The following SH2B2 variants were observed in gnomAD, a reference collection of about 807,000 sequenced individuals.
SH2B2 encodes SH2B adaptor protein 2, also known as SH2B adapter protein 2.
Under a neutral mutation model 35.7 loss-of-function variants are expected in SH2B2, and 37 were observed. That is an observed-to-expected ratio of 1.04 (90% CI 0.80 to 1.36). SH2B2 has a LOEUF of 1.36. Ranked by LOEUF, SH2B2 falls within the 40% of genes most tolerant of loss-of-function variation. The pLI is 0.00. For synonymous variants in SH2B2, 383 were observed against 376.4 expected (o/e 1.02, Z -0.20); for missense variants, 852 against 817.7 (o/e 1.04, Z -0.51).
rs1368086709 is a variant in SH2B2, at chr7:102,306,757, A to G, written c.766A>G (p.Ile256Val). ...CAAGGTCAGCATCCCACTGTCAGCC[A>G]TCATTGAGGTCCGCACCACCATGCC... Reference protein sequence around the residue: ...RPKVSIPLSAIIEVRTTMPLE... With the variant: ...RPKVSIPLSAVIEVRTTMPLE... The change falls in exon 3 of 9, where the codon ATC (isoleucine) becomes GTC (valine). Residue 256 changes from isoleucine to valine, a missense_variant. Ile to Val is a conservative substitution (Grantham distance 29). Around this residue, in one of 3 missense-constraint regions of SH2B2, gnomAD observed 556 missense variants for 514.5 expected, o/e 1.08. Transcript: ENST00000444095. 5.0e-6 allele frequency: 8 copies of G among 1,601,158 alleles called. No homozygotes were observed. The highest frequency in any genetic ancestry group is 6.8e-6 in the Non-Finnish European group (8 of 1,174,182).
chr7:102,307,638 G>GCAT (rs1793455159), intron 3 of SH2B2, among the ~76,000 whole-genome samples: 1 of 152,100 alleles, frequency 6.6e-6, no homozygotes, highest in African/African-American at 2.4e-5. Flanking sequence ...TGCTGATCAT[G>GCAT]CATGACAGCC....
At chr7:102,303,736 G>C (rs1554554362) in intron 2 of SH2B2, among the ~76,000 whole-genome samples, 2 of 152,194 alleles carry the variant, frequency 1.3e-5, no homozygotes, top group Non-Finnish European at 2.9e-5. Flanking sequence ...GCTTACCCGG[G>C]GTCACCCAGA....
rs781974412 is a variant in SH2B2 at position 102,300,945 on chromosome 7, G to A, written c.395G>A (p.Arg132His). ...STHAATKARV[R>H]KGFSLRNMSL... ...CACGCGGCCACCAAGGCCCGCGTTC[G>A]CAAGGGCTTCTCGCTGCGCAACATG... The change falls in exon 2 of 9, where the codon CGC becomes CAC. Residue 132 changes from arginine to histidine, a missense_variant. By Grantham distance (29) the Arg-to-His change is conservative. Transcript: ENST00000444095. 8.7e-6 allele frequency: 13 copies of A among 1,488,182 alleles called. No individual in the cohort carries two copies. The allele number at this position is 1,488,182 out of a possible 1,614,324, so 92.2% of individuals were successfully genotyped here. A position where few individuals can be genotyped will look rare whatever the true frequency, so the allele number is the denominator to read the frequency against.
intron 1 of SH2B2, among the ~76,000 whole-genome samples, chr7:102,295,006 T>G (rs1792847318): frequency 6.6e-6 from 1 of 152,088 alleles, no homozygotes; most frequent in Non-Finnish European, 1.5e-5. Context: ...TGCCATGCCC[T>G]TGGAAGATTC....
At chr7:102,295,510 G>T (rs983161224) in intron 1 of SH2B2, among the ~76,000 whole-genome samples, 1 of 152,202 alleles carries the variant, frequency 6.6e-6, no homozygotes, top group Non-Finnish European at 1.5e-5. Flanking sequence ...GGTGGCAGGT[G>T]TGTTCCCGTC....
intron 1 of SH2B2, among the ~76,000 whole-genome samples, chr7:102,293,974 G>A (rs1456279483): frequency 6.6e-6 from 1 of 152,000 alleles, no homozygotes; most frequent in Non-Finnish European, 1.5e-5. Context: ...ATAGGGTCTT[G>A]GAGATCAGAG....
At chr7:102,305,128 A>G (rs906620010) in intron 2 of SH2B2, among the ~76,000 whole-genome samples, 2 of 152,180 alleles carry the variant, frequency 1.3e-5, no homozygotes, top group Admixed American at 6.5e-5. Flanking sequence ...TACTCACTCC[A>G]GGAAACAGTG....
In SH2B2 at chr7:102,321,530, A is replaced by T; in HGVS notation, c.1799A>T (p.Glu600Val). The change falls in exon 9 of 9, where the codon GAG becomes GTG. Residue 600 changes from glutamate to valine, a missense_variant. Physicochemically the swap from Glu to Val is moderately radical, Grantham distance 121 (BLOSUM62 -2). Coordinates refer to ENST00000444095, the MANE Select transcript of SH2B2 (RefSeq NM_001359228.2). ...LSARSRSNSA[E>V]RLLEAVAATA... The stretch of plus-strand genomic sequence containing the variant: ...GCGCGGAGCCGCAGCAACAGCGCCG[A>T]GCGCCTGCTGGAGGCCGTGGCCGCC... 1 of 1,144,494 alleles carries T rather than the reference A, an allele frequency of 8.7e-7. No individual in the cohort carries two copies. The highest frequency in any genetic ancestry group is 1.1e-6 in the Non-Finnish European group (1 of 932,936). The allele number at this position is 1,144,494 out of a possible 1,614,324, so 70.9% of individuals were successfully genotyped here. A position where few individuals can be genotyped will look rare whatever the true frequency, so the allele number is the denominator to read the frequency against.
intron 2 of SH2B2, 99 bp downstream of exon 2, chr7:102,301,378 C>T: frequency 1.1e-5 from 15 of 1,371,272 alleles, no homozygotes; most frequent in Non-Finnish European, 1.4e-5. Context: ...ACCGCGTGGT[C>T]TAATCTGGTT....
At chr7:102,308,122 C>T (rs906108731) in intron 3 of SH2B2, among the ~76,000 whole-genome samples, 1 of 152,228 alleles carries the variant, frequency 6.6e-6, no homozygotes, top group African/African-American at 2.4e-5. Flanking sequence ...CAGCACGGGA[C>T]CTGGGTGTCC....
chr7:102,298,429 T>G (rs748469843), intron 1 of SH2B2, among the ~76,000 whole-genome samples: 8 of 147,390 alleles, frequency 5.4e-5, no homozygotes, highest in Non-Finnish European at 8.8e-5. Context: ...CCAGATTGGT[T>G]GTTGTTGTTG....
chr7:102,294,728 C>T (rs898551318), intron 1 of SH2B2, among the ~76,000 whole-genome samples: 7 of 152,166 alleles, frequency 4.6e-5, no homozygotes, highest in Admixed American at 4.6e-4. Flanking sequence ...TGCAGCCTCC[C>T]CTCTACAGAG....
At chr7:102,304,360 T>C (rs997474748) in intron 2 of SH2B2, among the ~76,000 whole-genome samples, 2 of 152,230 alleles carry the variant, frequency 1.3e-5, no homozygotes, top group Admixed American at 6.5e-5. Flanking sequence ...GTCCCCTCAT[T>C]GCCCTATGCC....
At chr7:102,291,068 A>G (rs1792653910) in intron 1 of SH2B2, among the ~76,000 whole-genome samples, 1 of 152,354 alleles carries the variant, frequency 6.6e-6, no homozygotes, top group South Asian at 2.1e-4. Flanking sequence ...TCCAGATCTC[A>G]GACTTTTAAC....
intron 4 of SH2B2, among the ~76,000 whole-genome samples, chr7:102,309,822 G>T (rs111987534): frequency 6.6e-6 from 1 of 152,120 alleles, no homozygotes; most frequent in South Asian, 2.1e-4. Flanking sequence ...ATGGGAGAGG[G>T]CAGAGAGAAA....
intron 4 of SH2B2, among the ~76,000 whole-genome samples, chr7:102,311,180 C>T (rs1272909891): frequency 6.6e-6 from 1 of 152,124 alleles, no homozygotes; most frequent in African/African-American, 2.4e-5. Flanking sequence ...GCCTCGACCT[C>T]CTGGGCTCGA....
At chr7:102,303,348 C>T (rs1333491317) in intron 2 of SH2B2, among the ~76,000 whole-genome samples, 1 of 151,982 alleles carries the variant, frequency 6.6e-6, no homozygotes, top group Non-Finnish European at 1.5e-5. Flanking sequence ...GTGCAGCAGC[C>T]GACAGCACCC....
intron 6 of SH2B2, among the ~76,000 whole-genome samples, chr7:102,315,273 CT>C (rs1793780917): frequency 6.6e-6 from 1 of 152,026 alleles, no homozygotes; most frequent in Non-Finnish European, 1.5e-5. Context: ...TTTTTTGAGG[CT>C]GAGGATCACT....
rs192164511 is a variant in SH2B2 at position 102,293,840 on chromosome 7, G to A, written c.-29-6682G>A. On this transcript the variant is annotated intron_variant, in intron 1 of 8. Transcript: ENST00000444095. ...GGAGGCACCAAGAGACACAGGGCCCGGCCCAGGATAGAGTCCAGATCTCCC... is the reference window on the plus strand; with the variant it reads ...GGAGGCACCAAGAGACACAGGGCCCAGCCCAGGATAGAGTCCAGATCTCCC... Among the ~76,000 whole-genome samples the A allele has an allele frequency of 1.8e-4, 27 of 152,156 alleles. No individual in the cohort carries two copies. The East Asian group carries it at 4.3e-3, about 24-fold the overall frequency.
Sources: allele counts gnomAD v4.1 joint callset (sites outside exome capture counted in the v4.1 genomes callset), GRCh38; gene constraint gnomAD v4.1.1; regional missense constraint gnomAD v4.1.1; transcripts MANE v1.5; gene names NCBI Gene and HGNC (gene_info 2026-07-23, HGNC 2026-07-21).